Variants in ATP9A observed in about 807,000 individuals in gnomAD.
The protein encoded by ATP9A is ATPase phospholipid transporting 9A.
In ATP9A, 52 loss-of-function variants were observed where a neutral mutation model predicts 144.1. The ratio of observed to expected loss-of-function variants is 0.36; its 90% CI spans 0.29 to 0.45. The LOEUF is 0.45. Among genes scored for constraint, ATP9A ranks in the 20% least tolerant of loss-of-function variants. The probability of loss-of-function intolerance (pLI) is 1.00; values close to 1 mark genes in which losing one functional copy is unlikely to be tolerated. For synonymous variants in ATP9A, 582 were observed against 557.4 expected (o/e 1.04, Z -0.62); for missense variants, 947 against 1,392.7 (o/e 0.68, Z 5.09).
At chr20:51,616,994 T>C (rs780803906) in intron 22 of ATP9A, among the ~76,000 whole-genome samples, 52 of 148,516 alleles carry the variant, frequency 3.5e-4, no homozygotes, top group Admixed American at 7.6e-4. Context: ...CAGGCTGGAG[T>C]GCAGTGGCGC....
chr20:51,600,852 T>A lies in ATP9A; in HGVS notation c.*359A>T. ...CACACACACACACACACACAAGCCT[T>A]CTACAACCTTCAGCTACACAGAAAC... On this transcript the variant is annotated 3_prime_UTR_variant, in exon 28 of 28. Transcript: ENST00000338821. 5.8e-6 allele frequency: 1 copy of A among 170,956 alleles called. No individual in the cohort carries two copies. Among genetic ancestry groups the A allele is most frequent in the Non-Finnish European group, 1.2e-5 (1 of 82,388 alleles). 10.6% of individuals were successfully genotyped at this position (170,956 alleles called of 1,614,324 possible). A position where few individuals can be genotyped will look rare whatever the true frequency, so the allele number is the denominator to read the frequency against.
chr20:51,715,751 T>G (rs2077659338), intron 3 of ATP9A, among the ~76,000 whole-genome samples: 1 of 152,108 alleles, frequency 6.6e-6, no homozygotes, highest in Non-Finnish European at 1.5e-5. Flanking sequence ...GAGATGCAAA[T>G]GTAGTCCAGG....
intron 9 of ATP9A, among the ~76,000 whole-genome samples, chr20:51,686,569 T>C (rs2077524101): frequency 6.6e-6 from 1 of 152,240 alleles, no homozygotes; most frequent in South Asian, 2.1e-4. Context: ...CAAAGGAAAG[T>C]AGATAGACCA....
intron 3 of ATP9A, among the ~76,000 whole-genome samples, chr20:51,718,723 G>A (rs1293151154): frequency 6.7e-6 from 1 of 149,200 alleles, no homozygotes; most frequent in Non-Finnish European, 1.5e-5. Flanking sequence ...GTGGAGGCAG[G>A]AGAATCACTT....
intron 4 of ATP9A, among the ~76,000 whole-genome samples, chr20:51,708,396 C>T (rs1489944726): frequency 6.6e-6 from 1 of 152,040 alleles, no homozygotes; most frequent in African/African-American, 2.4e-5. Flanking sequence ...ATCCATTTTT[C>T]CTCCCAATAA....
intron 14 of ATP9A, among the ~76,000 whole-genome samples, chr20:51,644,464 G>A (rs2077333892): frequency 6.6e-6 from 1 of 150,842 alleles, no homozygotes; most frequent in Admixed American, 6.6e-5. Context: ...GTAGAGATGG[G>A]TTTCACCATG....
intron 6 of ATP9A, among the ~76,000 whole-genome samples, chr20:51,694,844 A>G (rs2077563800): frequency 6.6e-6 from 1 of 152,114 alleles, no homozygotes; most frequent in Non-Finnish European, 1.5e-5. Context: ...AATGTAGAAC[A>G]CTCATAATTT....
At position 51,638,113 on chromosome 20, in the gene ATP9A, A is replaced by C. The variant is rs1164038236; in HGVS notation, c.1668+1230T>G. 3.3e-4 allele frequency among the ~76,000 whole-genome samples: 33 copies of C among 100,908 alleles called. 3 individuals carry two copies. Among genetic ancestry groups the C allele is most frequent in the African/African-American group, 1.1e-3 (25 of 22,876 alleles). 66.2% of individuals were successfully genotyped at this position (100,908 alleles called of 152,430 possible). On this transcript the variant is annotated intron_variant, in intron 15 of 27. Transcript: ENST00000338821. The stretch of plus-strand genomic sequence containing the variant: ...TATATATATATATATATATATATAT[A>C]TATATATATATCTCATAGTTCCTTT...
chr20:51,654,496 A>G (rs2077379406), intron 14 of ATP9A, among the ~76,000 whole-genome samples: 2 of 151,512 alleles, frequency 1.3e-5, no homozygotes, highest in African/African-American at 4.9e-5. Flanking sequence ...CAATGTTGGT[A>G]CAAGAGTTAA....
At chr20:51,710,204 G>C (rs2077631780) in intron 4 of ATP9A, among the ~76,000 whole-genome samples, 1 of 152,154 alleles carries the variant, frequency 6.6e-6, no homozygotes, top group Non-Finnish European at 1.5e-5. Context: ...TCAGGAGGCT[G>C]AGGCAGGAGA....
intron 4 of ATP9A, among the ~76,000 whole-genome samples, chr20:51,701,798 CT>C (rs1269770838): frequency 1.3e-5 from 2 of 152,182 alleles, no homozygotes; most frequent in East Asian, 3.8e-4. Context: ...AGACTCTCCC[CT>C]TCTGTTGAGC....
intron 14 of ATP9A, among the ~76,000 whole-genome samples, chr20:51,652,424 T>C (rs2077370404): frequency 6.6e-6 from 1 of 152,204 alleles, no homozygotes; most frequent in African/African-American, 2.4e-5. Flanking sequence ...GTAAAATGCA[T>C]ACTGGTTTCT....
At chr20:51,726,729 C>A (rs772768201) in intron 2 of ATP9A, among the ~76,000 whole-genome samples, 36 of 152,034 alleles carry the variant, frequency 2.4e-4, no homozygotes, top group Non-Finnish European at 4.3e-4. Flanking sequence ...CAAGCATGCA[C>A]CACCATGCCC....
intron 9 of ATP9A, among the ~76,000 whole-genome samples, chr20:51,685,202 C>G (rs1360632360): frequency 6.6e-6 from 1 of 152,036 alleles, no homozygotes; most frequent in Non-Finnish European, 1.5e-5. Flanking sequence ...TTATCAGGAG[C>G]ATGAAGAAGA....
At chr20:51,757,264 C>T (rs754034358) in intron 1 of ATP9A, among the ~76,000 whole-genome samples, 1 of 152,080 alleles carries the variant, frequency 6.6e-6, no homozygotes, top group African/African-American at 2.4e-5. Flanking sequence ...GTGAGCCACC[C>T]ACCTCGGCCT....
intron 13 of ATP9A, among the ~76,000 whole-genome samples, chr20:51,667,550 G>A (rs1234623404): frequency 6.6e-6 from 1 of 152,186 alleles, no homozygotes; most frequent in Non-Finnish European, 1.5e-5. Context: ...ACCCTGCCTG[G>A]AAGGCTGAAA....
intron 2 of ATP9A, 61 bp downstream of exon 2, chr20:51,729,773 G>C: frequency 6.8e-7 from 1 of 1,481,210 alleles, no homozygotes; most frequent in Non-Finnish European, 9.0e-7. Flanking sequence ...CATAACATCT[G>C]TACCAATGCA....
intron 4 of ATP9A, among the ~76,000 whole-genome samples, chr20:51,712,431 G>C (rs185401021): frequency 6.6e-6 from 1 of 152,116 alleles, no homozygotes; most frequent in African/African-American, 2.4e-5. Context: ...TACACAACTG[G>C]TCATTTATTT....
Position 51,650,568 on chromosome 20 carries a change from A to T in ATP9A, c.1506+6370T>A, listed in dbSNP as rs1056110106. On this transcript the variant is annotated intron_variant, in intron 14 of 27. Transcript: ENST00000338821. Reference sequence around the variant, plus strand: ...AATAAAAAATAAAAAATATATATATATTTTAATGAAGCGTGAGGGTAATTC... The same window carrying T: ...AATAAAAAATAAAAAATATATATATTTTTTAATGAAGCGTGAGGGTAATTC... Among the ~76,000 whole-genome samples, 6 of 151,728 alleles carry T rather than the reference A, an allele frequency of 4.0e-5. No individual in the cohort carries two copies. In the East Asian group the frequency reaches 9.6e-4, roughly 24 times the overall value.
Sources: gnomAD v4.1 joint callset for allele counts (sites outside exome capture counted in the v4.1 genomes callset) on GRCh38, gnomAD v4.1.1 for gene constraint, MANE v1.5 for transcripts, NCBI Gene and HGNC (gene_info 2026-07-23, HGNC 2026-07-21) for gene names.